Variants in DLG2 observed in about 807,000 individuals in gnomAD.
DLG2 encodes disks large homolog 2.
In DLG2, 45 loss-of-function variants were observed where a neutral mutation model predicts 132.5. That is an observed-to-expected ratio of 0.34 (90% CI 0.27 to 0.44). The LOEUF (loss-of-function observed/expected upper bound fraction) is 0.44. Among genes scored for constraint, DLG2 ranks in the 20% least tolerant of loss-of-function variants. DLG2 has a pLI of 1.00. For missense variants in DLG2, 1,045 were observed against 1,196.9 expected (o/e 0.87, Z 1.87); for synonymous variants, 424 against 419.6 (o/e 1.01, Z -0.13).
intron 6 of DLG2, among the ~76,000 whole-genome samples, chr11:84,612,926 T>A (rs960718586): frequency 6.6e-6 from 1 of 152,196 alleles, no homozygotes; most frequent in African/African-American, 2.4e-5. Context: ...AAGATTTTGT[T>A]CATTCCAATA....
At chr11:85,162,902 C>T (rs1357737512) in intron 4 of DLG2, among the ~76,000 whole-genome samples, 1 of 152,046 alleles carries the variant, frequency 6.6e-6, no homozygotes, top group Admixed American at 6.6e-5. Context: ...GAGGTTGTTG[C>T]CAAAGGAGAT....
chr11:84,059,779 T>C (rs1044768762), intron 10 of DLG2, among the ~76,000 whole-genome samples: 1 of 152,188 alleles, frequency 6.6e-6, no homozygotes, highest in African/African-American at 2.4e-5. Context: ...GAAGGGCATG[T>C]ATTTTAAGGC....
At chr11:85,066,852 T>C (rs574775136) in intron 6 of DLG2, among the ~76,000 whole-genome samples, 3 of 151,830 alleles carry the variant, frequency 2.0e-5, no homozygotes, top group African/African-American at 7.2e-5. Flanking sequence ...TTGAAAGCAT[T>C]CTCCCTAAGA....
At chr11:84,500,168 T>G (rs979877216) in intron 7 of DLG2, among the ~76,000 whole-genome samples, 3 of 151,974 alleles carry the variant, frequency 2.0e-5, no homozygotes, top group African/African-American at 7.3e-5. Flanking sequence ...TAGAGCGAGT[T>G]GGAAAGGTAC....
intron 18 of DLG2, among the ~76,000 whole-genome samples, chr11:83,723,751 G>C (rs2089309914): frequency 6.6e-6 from 1 of 151,992 alleles, no homozygotes; most frequent in African/African-American, 2.4e-5. Flanking sequence ...AGCTACTCAG[G>C]AGGCTGAGGT....
At chr11:84,537,291 G>C (rs1223377492) in intron 6 of DLG2, among the ~76,000 whole-genome samples, 2 of 151,878 alleles carry the variant, frequency 1.3e-5, no homozygotes, top group Admixed American at 1.3e-4. Context: ...ATTTTTAGTA[G>C]AGCCGGGGTT....
chr11:85,513,253 T>C (rs1395041783), intron 3 of DLG2, among the ~76,000 whole-genome samples: 1 of 151,926 alleles, frequency 6.6e-6, no homozygotes, highest in Non-Finnish European at 1.5e-5. Context: ...ATACGTTCAA[T>C]TAGCAATGGG....
intron 4 of DLG2, among the ~76,000 whole-genome samples, chr11:85,232,198 T>G (rs1432373342): frequency 2.0e-5 from 3 of 151,976 alleles, no homozygotes; most frequent in Non-Finnish European, 2.9e-5. Flanking sequence ...TGAATGTTGT[T>G]TAATGCCCAA....
intron 22 of DLG2, among the ~76,000 whole-genome samples, chr11:83,476,282 C>A (rs1007977090): frequency 1.1e-4 from 17 of 152,092 alleles, no homozygotes; most frequent in African/African-American, 3.9e-4. Context: ...CACACTATTA[C>A]TCTCTGTGAT....
chr11:84,383,480 TG>T (rs1223545938), intron 7 of DLG2, among the ~76,000 whole-genome samples: 1 of 152,096 alleles, frequency 6.6e-6, no homozygotes, highest in Non-Finnish European at 1.5e-5. Flanking sequence ...GCAAAAAAGA[TG>T]GGATATCATG....
At chr11:85,375,204 A>G (rs1330538765) in intron 3 of DLG2, among the ~76,000 whole-genome samples, 1 of 152,184 alleles carries the variant, frequency 6.6e-6, no homozygotes, top group Non-Finnish European at 1.5e-5. Flanking sequence ...AACTGATCAA[A>G]TATCACAGAA....
chr11:83,462,227 G>T, intron 26 of DLG2, 134 bp from the exon 27 acceptor site: 1 of 622,832 alleles, frequency 1.6e-6, no homozygotes, highest in East Asian at 2.8e-5. Flanking sequence ...CTTCATTCAG[G>T]ACTCCTCTGT....
intron 3 of DLG2, among the ~76,000 whole-genome samples, chr11:85,348,285 C>A (rs1048787275): frequency 2.6e-5 from 4 of 151,354 alleles, no homozygotes; most frequent in Non-Finnish European, 5.9e-5. Flanking sequence ...TGAAGTGGCA[C>A]GATCTCAGCT....
chr11:83,589,699 T>C (rs1349274443), intron 19 of DLG2, among the ~76,000 whole-genome samples: 5 of 150,946 alleles, frequency 3.3e-5, no homozygotes, highest in African/African-American at 1.2e-4. Flanking sequence ...GACTGGCAAA[T>C]TGGATAAAGA....
chr11:85,477,032 G>A (rs1369137375), intron 3 of DLG2, among the ~76,000 whole-genome samples: 1 of 152,100 alleles, frequency 6.6e-6, no homozygotes, highest in Non-Finnish European at 1.5e-5. Context: ...AATGACAAGA[G>A]TAATGCACTG....
intron 7 of DLG2, among the ~76,000 whole-genome samples, chr11:84,263,716 C>T (rs570463321): frequency 6.6e-6 from 1 of 152,156 alleles, no homozygotes; most frequent in East Asian, 1.9e-4. Context: ...AGATCATACA[C>T]TAAGATTTGA....
At chr11:83,724,472 T>TGAGAGAGAGAGAGAGAGA (rs1384949474) in intron 18 of DLG2, among the ~76,000 whole-genome samples, 1 of 97,530 alleles carries the variant, frequency 1.0e-5, no homozygotes, top group African/African-American at 3.6e-5. Flanking sequence ...TGTGTGTGTG[T>TGAGAGAGAGAGAGAGAGA]GTGTGAGAGA....
At chr11:85,096,305 T>C (rs1165684072) in intron 6 of DLG2, among the ~76,000 whole-genome samples, 1 of 152,158 alleles carries the variant, frequency 6.6e-6, no homozygotes, top group African/African-American at 2.4e-5. Context: ...GCTCACTCTT[T>C]GGGTCCACAC....
At chr11:85,591,543 A>G (rs2079337424) in intron 3 of DLG2, among the ~76,000 whole-genome samples, 1 of 152,188 alleles carries the variant, frequency 6.6e-6, no homozygotes, top group Non-Finnish European at 1.5e-5. Context: ...GTTCAAGACC[A>G]GCCTGGTCAA....
Sources: allele counts gnomAD v4.1 joint callset (sites outside exome capture counted in the v4.1 genomes callset), GRCh38; gene constraint gnomAD v4.1.1; transcripts MANE v1.5; gene names NCBI Gene and HGNC (gene_info 2026-07-23, HGNC 2026-07-21).